The following TAFA2 variants were observed in gnomAD, a reference collection of about 807,000 sequenced individuals.
TAFA2 encodes TAFA chemokine like family member 2.
TAFA2 carries 7 observed loss-of-function variants against 18.8 expected under a neutral mutation model. That is an observed-to-expected ratio of 0.37 (90% CI 0.21 to 0.70). The LOEUF (loss-of-function observed/expected upper bound fraction) is 0.70, where lower values mean the gene tolerates loss of function less well. TAFA2 is among the 30% of genes least tolerant of loss of function. The pLI is 0.53. For synonymous variants in TAFA2, 60 were observed against 54.2 expected (o/e 1.11, Z -0.47); for missense variants, 122 against 158.1 (o/e 0.77, Z 1.23).
intron 1 of TAFA2, among the ~76,000 whole-genome samples, chr12:62,121,146 T>C (rs1411673031): frequency 3.9e-5 from 6 of 152,120 alleles, no homozygotes; most frequent in South Asian, 4.1e-4. Flanking sequence ...CAATCTCTCC[T>C]CACCTCAAGG....
intron 1 of TAFA2, among the ~76,000 whole-genome samples, chr12:62,138,209 A>G (rs2588509): frequency 0.98 from 148,821 of 152,180 alleles, 72,846 homozygotes; most frequent in Middle Eastern, 1. Flanking sequence ...GTTTGAGCCC[A>G]GGAGTTCAAA....
At chr12:62,047,060 T>C (rs1230405166) in intron 1 of TAFA2, among the ~76,000 whole-genome samples, 1 of 151,996 alleles carries the variant, frequency 6.6e-6, no homozygotes, top group African/African-American at 2.4e-5. Context: ...AATATCATCT[T>C]AAAACAAGGA....
At position 61,708,334 on chromosome 12, in the gene TAFA2, G is replaced by A. The variant is rs1229678217; in HGVS notation, c.*2072C>T. On this transcript the variant is annotated 3_prime_UTR_variant, in exon 5 of 5. Coordinates refer to ENST00000416284, the MANE Select transcript of TAFA2 (RefSeq NM_178539.5). ...ATAGTCACAACATTAATCTACTGGG[G>A]ATAATCTAGTTAGTATATTTGAAAT... The A allele has an allele frequency of 6.6e-6, 1 of 151,950 alleles. No individual in the cohort carries two copies. Among genetic ancestry groups the A allele is most frequent in the Non-Finnish European group, 1.5e-5 (1 of 67,958 alleles). The allele number at this position is 151,950 out of a possible 1,614,324, so 9.4% of individuals were successfully genotyped here.
At chr12:61,849,879 G>A (rs1352169278) in intron 2 of TAFA2, among the ~76,000 whole-genome samples, 1 of 152,128 alleles carries the variant, frequency 6.6e-6, no homozygotes, top group Non-Finnish European at 1.5e-5. Flanking sequence ...CACATAGATT[G>A]TTGATCTAGT....
chr12:62,117,293 T>C (rs753224632), intron 1 of TAFA2, among the ~76,000 whole-genome samples: 1 of 152,234 alleles, frequency 6.6e-6, no homozygotes, highest in Non-Finnish European at 1.5e-5. Flanking sequence ...CTGTGTTTGT[T>C]TGGATCTTGC....
At chr12:62,145,126 G>A (rs1225513688) in intron 1 of TAFA2, among the ~76,000 whole-genome samples, 4 of 152,068 alleles carry the variant, frequency 2.6e-5, no homozygotes, top group Admixed American at 2.6e-4. Context: ...TGTTCCAGTC[G>A]CCTACCAAAT....
At chr12:62,204,201 A>G (rs2062682885) in intron 1 of TAFA2, among the ~76,000 whole-genome samples, 1 of 152,114 alleles carries the variant, frequency 6.6e-6, no homozygotes, top group Non-Finnish European at 1.5e-5. Context: ...TCTCAGGAGA[A>G]GTCCACAGTG....
At chr12:61,867,498 G>T (rs1874409820) in intron 1 of TAFA2, 72 bp from the exon 2 acceptor site, 2 of 897,702 alleles carry the variant, frequency 2.2e-6, no homozygotes, top group South Asian at 1.5e-5. Context: ...TGTGCTACAT[G>T]TAAAGCCTTC....
intron 1 of TAFA2, among the ~76,000 whole-genome samples, chr12:61,931,978 A>C (rs540285399): frequency 1.3e-5 from 2 of 152,290 alleles, no homozygotes; most frequent in South Asian, 2.1e-4. Context: ...CCTAAGTATA[A>C]ATTTCCCCCT....
chr12:61,919,667 T>C lies in TAFA2; in HGVS notation c.-1-52241A>G, dbSNP rs117011838. 6.3e-4 allele frequency among the ~76,000 whole-genome samples: 95 copies of C among 151,272 alleles called. 1 individual carries two copies. In the East Asian group the frequency reaches 0.018, roughly 29 times the overall value. ...TGTACTGTATATCTATTTTATATTT[T>C]ATTATATATTATATACGTTTATTTT... On this transcript the variant is annotated intron_variant, in intron 1 of 4. Transcript: ENST00000416284.
At chr12:62,233,517 G>C (rs2062822145) in intron 1 of TAFA2, among the ~76,000 whole-genome samples, 1 of 152,118 alleles carries the variant, frequency 6.6e-6, no homozygotes, top group Admixed American at 6.5e-5. Context: ...CCATTTCTTG[G>C]TGAAAGTGCT....
intron 1 of TAFA2, among the ~76,000 whole-genome samples, chr12:61,906,224 A>G (rs1460949746): frequency 6.6e-6 from 1 of 152,100 alleles, no homozygotes; most frequent in Non-Finnish European, 1.5e-5. Flanking sequence ...CTGTGTCCCC[A>G]CCCAAATCTC....
intron 1 of TAFA2, among the ~76,000 whole-genome samples, chr12:62,163,750 T>A (rs74640870): frequency 0.013 from 2,014 of 152,224 alleles, 37 homozygotes; most frequent in African/African-American, 0.042. Context: ...TATCAGTTTG[T>A]CTTCAAACTA....
At chr12:61,940,745 G>A (rs1877968610) in intron 1 of TAFA2, among the ~76,000 whole-genome samples, 1 of 152,152 alleles carries the variant, frequency 6.6e-6, no homozygotes, top group Non-Finnish European at 1.5e-5. Context: ...TTGAGGAAAG[G>A]TCTGAAGAGG....
At chr12:62,119,847 T>C (rs1276880308) in intron 1 of TAFA2, among the ~76,000 whole-genome samples, 1 of 151,970 alleles carries the variant, frequency 6.6e-6, no homozygotes, top group African/African-American at 2.4e-5. Flanking sequence ...GCCGAGACGG[T>C]TGGATCACCA....
At chr12:61,818,194 A>G (rs1872166177) in intron 2 of TAFA2, among the ~76,000 whole-genome samples, 1 of 152,064 alleles carries the variant, frequency 6.6e-6, no homozygotes, top group Admixed American at 6.5e-5. Flanking sequence ...TCTTCAACTC[A>G]TTCTGTCTGT....
chr12:61,803,025 A>G (rs181999918), intron 2 of TAFA2, among the ~76,000 whole-genome samples: 42 of 152,084 alleles, frequency 2.8e-4, no homozygotes, highest in African/African-American at 9.6e-4. Flanking sequence ...TCTCTTAATA[A>G]CAGTTTCTAG....
intron 1 of TAFA2, among the ~76,000 whole-genome samples, chr12:62,132,001 G>A (rs1469873333): frequency 1.3e-5 from 2 of 150,248 alleles, no homozygotes; most frequent in Admixed American, 6.7e-5. Flanking sequence ...TTAGTACACA[G>A]CACAAAAATA....
chr12:62,108,268 G>T (rs188113220), intron 1 of TAFA2, among the ~76,000 whole-genome samples: 12 of 152,026 alleles, frequency 7.9e-5, no homozygotes, highest in Admixed American at 6.6e-4. Context: ...CTAGTTTGCT[G>T]AGAATGATGG....
Sources: gnomAD v4.1 joint callset for allele counts (sites outside exome capture counted in the v4.1 genomes callset) on GRCh38, gnomAD v4.1.1 for gene constraint, MANE v1.5 for transcripts, NCBI Gene and HGNC (gene_info 2026-07-23, HGNC 2026-07-21) for gene names.